Variants in VWF observed in about 807,000 individuals in gnomAD.
The protein encoded by VWF is von Willebrand factor.
VWF carries 176 observed loss-of-function variants against 308.6 expected under a neutral mutation model. The ratio of observed to expected loss-of-function variants is 0.57; its 90% CI spans 0.50 to 0.65. VWF has a LOEUF of 0.65. Ranked by LOEUF, VWF falls within the 30% of genes least tolerant of loss-of-function variation. The pLI is 0.00. For missense variants in VWF, 3,146 were observed against 3,648.2 expected (o/e 0.86, Z 3.55); for synonymous variants, 1,385 against 1,443.4 (o/e 0.96, Z 0.92).
Position 5,983,191 on chromosome 12 carries a change from G to A in VWF, c.7040C>T (p.Thr2347Ile). The change falls in exon 41 of 52, where the codon ACA (threonine) becomes ATA (isoleucine). Residue 2347 changes from threonine to isoleucine, a missense_variant. Physicochemically the swap from Thr to Ile is moderately conservative, Grantham distance 89. This residue lies in a region of VWF where 989 missense variants were observed against 1,117.4 expected (regional missense o/e 0.89). Transcript: ENST00000261405. ...TCTGCACTCGCCAGGGTTGGTCAGTGTGGGCTGGAGGCCACGTTCACAGTG... is the reference window on the plus strand; with the variant it reads ...TCTGCACTCGCCAGGGTTGGTCAGTATGGGCTGGAGGCCACGTTCACAGTG... ...VPHCERGLQP[T>I]LTNPGECRPN... 6.2e-7 allele frequency: 1 copy of A among 1,614,142 alleles called. No homozygotes were observed. Among genetic ancestry groups the A allele is most frequent in the Non-Finnish European group, 8.5e-7 (1 of 1,180,012 alleles).
At position 6,036,410 on chromosome 12, in the gene VWF, C is replaced by T. The variant is rs759248794; in HGVS notation, c.2524G>A (p.Val842Met). The T allele has an allele frequency of 6.2e-7, 1 of 1,614,258 alleles. No individual in the cohort carries two copies. Among genetic ancestry groups the T allele is most frequent in the South Asian group, 1.1e-5 (1 of 91,088 alleles). Residue 842 changes from valine to methionine, a missense_variant, in exon 19 of 52, where the codon GTG (valine) becomes ATG (methionine). By Grantham distance (21) the Val-to-Met change is conservative. Transcript: ENST00000261405. The part of the protein sequence containing the change: ...QGKEYAPGET[V>M]KIGCNTCVCQ... ...CACCAAGTGTTGCAGCCAATCTTCA[C>T]TGTTTCTCCAGGGGCATACTCCTTG...
chr12:6,103,899 A>T (rs573795943), intron 5 of VWF, among the ~76,000 whole-genome samples: 11 of 152,322 alleles, frequency 7.2e-5, no homozygotes, highest in Admixed American at 5.2e-4. Context: ...CAGGCAACAA[A>T]AACAAAAATA....
rs2286937 is a variant in VWF at position 5,981,726 on chromosome 12, G to A, written c.7287+60C>T. The A allele has an allele frequency of 0.087, 135,303 of 1,562,182 alleles. 6,733 individuals are homozygous for A. Among genetic ancestry groups the A allele is most frequent in the East Asian group, 0.22 (10,009 of 44,554 alleles). On this transcript the variant is annotated intron_variant, in intron 42 of 51. Transcript: ENST00000261405. ...GGATGGGTGGATAGAAGGATAAACT[G>A]ACAGCAATAAATAAATGAGTAAACT... is the stretch of plus-strand genomic sequence containing the variant.
At chr12:6,045,481 T>C (rs78020742) in intron 17 of VWF, among the ~76,000 whole-genome samples, 1,571 of 152,226 alleles carry the variant, frequency 0.01, 8 homozygotes, top group Non-Finnish European at 0.015. Context: ...AGAGGCAGAA[T>C]GCAACAGAGA....
intron 45 of VWF, 147 bp downstream of exon 45, chr12:5,969,064 A>G (rs1420342657): frequency 2.3e-6 from 2 of 886,326 alleles, no homozygotes; most frequent in East Asian, 2.7e-5. Flanking sequence ...TTGCTTTCTC[A>G]TAAAAGCAGT....
intron 47 of VWF, among the ~76,000 whole-genome samples, chr12:5,964,278 A>ACATG (rs1943370646): frequency 1.4e-5 from 2 of 138,402 alleles, no homozygotes; most frequent in Admixed American, 1.4e-4. Context: ...ATACATGCAT[A>ACATG]CATACATGCA....
chr12:6,103,458 GTA>G lies in VWF; in HGVS notation c.532+6914_532+6915del, dbSNP rs1208030829. Among the ~76,000 whole-genome samples the G allele has an allele frequency of 2.1e-4, 16 of 76,430 alleles. 1 individual carries two copies. Among genetic ancestry groups the G allele is most frequent in the Non-Finnish European group, 3.1e-4 (12 of 38,516 alleles). The allele number at this position is 76,430 out of a possible 152,430, so 50.1% of individuals were successfully genotyped here. On this transcript the variant is annotated intron_variant, in intron 5 of 51. Transcript: ENST00000261405. ...TGTGTATATACATACACATATATGT[GTA>G]TATACACATATGTGTGTATATACAT... is the stretch of plus-strand genomic sequence containing the variant.
chr12:5,995,085 C>T (rs759334318), intron 35 of VWF, among the ~76,000 whole-genome samples: 4 of 152,076 alleles, frequency 2.6e-5, no homozygotes, highest in African/African-American at 7.2e-5. Flanking sequence ...CATCAGCTAT[C>T]GTTAGTGTTA....
At chr12:6,117,011 C>A (rs1335011410) in intron 3 of VWF, among the ~76,000 whole-genome samples, 4 of 152,160 alleles carry the variant, frequency 2.6e-5, no homozygotes, top group East Asian at 3.9e-4. Context: ...GCCAGCCCAC[C>A]CCCCTCTAAT....
Position 6,026,117 on chromosome 12 carries a change from A to G in VWF, c.2968-71T>C, listed in dbSNP as rs1944189151. The G allele has an allele frequency of 4.3e-6, 7 of 1,609,252 alleles. No homozygotes were observed. In the South Asian group the frequency reaches 4.4e-5, roughly 10 times the overall value. On this transcript the variant is annotated intron_variant, in intron 22 of 51. Transcript: ENST00000261405. ...TGCTCTCCGGCTCAGGGGAAAGGGG[A>G]ACATTCCTGGCGGCAATGGAGGCAG...
intron 34 of VWF, among the ~76,000 whole-genome samples, chr12:5,997,817 T>A (rs185828396): frequency 2.0e-5 from 3 of 152,344 alleles, no homozygotes; most frequent in East Asian, 3.9e-4. Flanking sequence ...AGTTTAGTGA[T>A]TAGTTTTAAT....
chr12:6,122,135 T>C (rs1195929032), intron 2 of VWF, among the ~76,000 whole-genome samples: 1 of 152,186 alleles, frequency 6.6e-6, no homozygotes, highest in African/African-American at 2.4e-5. Flanking sequence ...TCTCAATAGA[T>C]TGTAAACAAT....
intron 6 of VWF, among the ~76,000 whole-genome samples, chr12:6,088,194 T>C (rs921490094): frequency 6.6e-6 from 1 of 152,140 alleles, no homozygotes; most frequent in African/African-American, 2.4e-5. Flanking sequence ...AAGGGGTGCC[T>C]TTGGCCGGGC....
In VWF at chr12:5,981,828, G is replaced by T. The variant is rs1171087502; in HGVS notation, c.7245C>A (p.Thr2415=). The T allele has an allele frequency of 2.5e-6, 4 of 1,614,034 alleles. No individual in the cohort carries two copies. Among genetic ancestry groups the T allele is most frequent in the Non-Finnish European group, 2.5e-6 (3 of 1,180,032 alleles). Residue 2415 remains threonine, a synonymous_variant, in exon 42 of 52, where the codon ACC becomes ACA. Transcript: ENST00000261405. ...TGGTTGTGGTACAGCCACAGTCATT[G>T]GTGGCAGTTGAGGCCAAGTACCCAA... ...CPLGYLASTA[T]NDCGCTTTTC... is the part of the protein sequence containing the mutation.
chr12:6,095,596 A>G lies in VWF; in HGVS notation c.533-12T>C, dbSNP rs753674160. ...CGAGGTCAAGGTCCCTGTGGAGGAA[A>G]GTTTCAGGAAAGTAATGCTTCAGTT... On this transcript the variant is annotated splice_polypyrimidine_tract_variant and intron_variant, in intron 5 of 51. Coordinates refer to ENST00000261405, the MANE Select transcript of VWF (RefSeq NM_000552.5). 6.2e-7 allele frequency: 1 copy of G among 1,614,126 alleles called. No homozygotes were observed. The highest frequency in any genetic ancestry group is 8.5e-7 in the Non-Finnish European group (1 of 1,179,974).
At chr12:6,092,673 G>GTGTA (rs1356836169) in intron 6 of VWF, among the ~76,000 whole-genome samples, 2,350 of 123,438 alleles carry the variant, frequency 0.019, 194 homozygotes, top group African/African-American at 0.032. Context: ...GTGTGTGTGT[G>GTGTA]CTGACCAGCA....
intron 32 of VWF, among the ~76,000 whole-genome samples, chr12:6,012,856 C>T (rs1812503066): frequency 1.3e-5 from 2 of 152,142 alleles, no homozygotes; most frequent in African/African-American, 4.8e-5. Context: ...TGCCCGCCAC[C>T]ACGCCCGGCT....
intron 42 of VWF, among the ~76,000 whole-genome samples, chr12:5,980,307 T>C (rs988055976): frequency 1.3e-5 from 2 of 150,634 alleles, no homozygotes; most frequent in African/African-American, 4.9e-5. Flanking sequence ...CTGGGTGTGA[T>C]GCACATGGCA....
Position 5,971,247 on chromosome 12 carries a change from G to A in VWF, c.7548+352C>T, listed in dbSNP as rs115197681. On this transcript the variant is annotated intron_variant, in intron 44 of 51. Coordinates refer to ENST00000261405, the MANE Select transcript of VWF (RefSeq NM_000552.5). ...GTCTGAGGACCCTGCCTGGGTTGATGTGGTCCAGAACAGTACTTGCAGCCT... is the reference window on the plus strand; with the variant it reads ...GTCTGAGGACCCTGCCTGGGTTGATATGGTCCAGAACAGTACTTGCAGCCT... Among the ~76,000 whole-genome samples, 866 of 152,362 alleles carry A rather than the reference G, an allele frequency of 5.7e-3. 15 individuals are homozygous for A. The highest frequency in any genetic ancestry group is 0.02 in the African/African-American group (822 of 41,598).
Sources: allele counts gnomAD v4.1 joint callset (sites outside exome capture counted in the v4.1 genomes callset), GRCh38; gene constraint gnomAD v4.1.1; regional missense constraint gnomAD v4.1.1; transcripts MANE v1.5; gene names NCBI Gene and HGNC (gene_info 2026-07-23, HGNC 2026-07-21).